CD160: variants seen among roughly 807,000 people sequenced by gnomAD.
CD160 encodes CD160 antigen.
A neutral mutation model predicts 19.2 loss-of-function variants in CD160; 11 were observed. The observed-to-expected ratio is 0.57, with a 90% CI of 0.36 to 0.95. CD160 has a LOEUF of 0.95. Ranked by LOEUF, CD160 falls within the 40% of genes least tolerant of loss-of-function variation. The probability of loss-of-function intolerance (pLI) is 0.01; values close to 1 mark genes in which losing one functional copy is unlikely to be tolerated. For synonymous variants in CD160, 75 were observed against 81.1 expected (o/e 0.93, Z 0.40); for missense variants, 182 against 213.2 (o/e 0.85, Z 0.91).
Position 145,730,800 on chromosome 1 carries a change from T to C in CD160, c.130T>C (p.Cys44Arg). 6.2e-7 allele frequency: 1 copy of C among 1,614,164 alleles called. No individual in the cohort carries two copies. The highest frequency in any genetic ancestry group is 8.5e-7 in the Non-Finnish European group (1 of 1,180,026). The change falls in exon 4 of 6, where the codon TGT becomes CGT. Residue 44 changes from cysteine (C) to arginine (R), a missense_variant. Physicochemically the swap from Cys to Arg is radical, Grantham distance 180. Coordinates refer to ENST00000369288, the MANE Select transcript of CD160 (RefSeq NM_007053.4). Reference sequence around the variant, plus strand: ...GGAAGGAACGCGACTAAACTTAATCTGTACTGTATGGCATAAGAAAGAAGA... The same window carrying C: ...GGAAGGAACGCGACTAAACTTAATCCGTACTGTATGGCATAAGAAAGAAGA... The part of the protein sequence containing the change: ...SQEGTRLNLI[C>R]TVWHKKEEAE...
chr1:145,719,692 C>T (rs1453749003), intron 1 of CD160, 133 bp downstream of exon 1: 1 of 152,296 alleles, frequency 6.6e-6, no homozygotes, highest in Non-Finnish European at 1.5e-5. Flanking sequence ...CCTCTGCCCT[C>T]TGGAGCCTGG....
chr1:145,727,887 G>C (rs1231717517), intron 2 of CD160, among the ~76,000 whole-genome samples: 1 of 152,046 alleles, frequency 6.6e-6, no homozygotes, highest in East Asian at 1.9e-4. Context: ...AGCTAGCAAG[G>C]GCACGAGGAA....
intron 4 of CD160, among the ~76,000 whole-genome samples, chr1:145,732,175 G>GA (rs781823273): frequency 3.0e-4 from 45 of 149,534 alleles, no homozygotes; most frequent in East Asian, 9.7e-4. Flanking sequence ...AATTCTGTGG[G>GA]AAAAAAAAAA....
Position 145,720,766 on chromosome 1 carries a change from C to G in CD160, c.-179+1207C>G, listed in dbSNP as rs142764678. Among the ~76,000 whole-genome samples the G allele has an allele frequency of 3.6e-4, 55 of 152,296 alleles. 1 individual carries two copies. The highest frequency in any genetic ancestry group is 1.5e-4 in the Non-Finnish European group (10 of 68,014). On this transcript the variant is annotated intron_variant, in intron 1 of 5. Coordinates refer to ENST00000369288, the MANE Select transcript of CD160 (RefSeq NM_007053.4). ...GTGTCATCTAACCGTCACCACATTCCTATGAGGTAGTTTTAAACACAAGAG... is the reference window on the plus strand; with the variant it reads ...GTGTCATCTAACCGTCACCACATTCGTATGAGGTAGTTTTAAACACAAGAG...
intron 5 of CD160, chr1:145,737,578 G>C (rs1355393608): frequency 6.6e-6 from 1 of 152,140 alleles, no homozygotes; most frequent in Non-Finnish European, 1.5e-5. Flanking sequence ...ACATGAATAT[G>C]AAACAGTCTG....
intron 4 of CD160, among the ~76,000 whole-genome samples, chr1:145,734,353 T>G (rs979791209): frequency 6.6e-6 from 1 of 152,202 alleles, no homozygotes; most frequent in Non-Finnish European, 1.5e-5. Context: ...CCATTCTACA[T>G]ACTACCACCA....
At chr1:145,728,033 T>C (rs587749520) in intron 2 of CD160, among the ~76,000 whole-genome samples, 37 of 152,214 alleles carry the variant, frequency 2.4e-4, no homozygotes, top group African/African-American at 7.9e-4. Flanking sequence ...TAAAAAAATA[T>C]ATATGAGAAA....
chr1:145,721,291 G>T (rs1571668938), intron 1 of CD160, among the ~76,000 whole-genome samples: 3 of 152,330 alleles, frequency 2.0e-5, no homozygotes, highest in African/African-American at 7.2e-5. Flanking sequence ...ACGCGGGGCA[G>T]GTAGGGGGTC....
intron 5 of CD160, 144 bp from the exon 6 acceptor site, chr1:145,738,342 T>C (rs781872107): frequency 1.5e-5 from 7 of 464,984 alleles, no homozygotes; most frequent in African/African-American, 1.4e-4. Flanking sequence ...ATACATAAAA[T>C]AGTTCCCACT....
At chr1:145,728,546 C>T (rs1415006458) in intron 3 of CD160, 146 bp downstream of exon 3, 1 of 550,260 alleles carries the variant, frequency 1.8e-6, no homozygotes, top group Non-Finnish European at 3.2e-6. Flanking sequence ...CTCTGTCACC[C>T]AGGCTGGAGT....
At position 145,730,861 on chromosome 1, in the gene CD160, G is replaced by T. The variant is rs782288332; in HGVS notation, c.191G>T (p.Arg64Met). Residue 64 changes from arginine (R) to methionine (M), a missense_variant, in exon 4 of 6, where the codon AGG becomes ATG. Coordinates refer to ENST00000369288, the MANE Select transcript of CD160 (RefSeq NM_007053.4). Reference protein sequence around the residue: ...EGFVVFLCKDRSGDCSPETSL... With the variant: ...EGFVVFLCKDMSGDCSPETSL... ...TTTGTAGTGTTTTTGTGCAAGGACA[G>T]GTCTGGAGACTGTTCTCCTGAGACC... The T allele has an allele frequency of 1.9e-6, 3 of 1,613,938 alleles. No individual in the cohort carries two copies. Among genetic ancestry groups the T allele is most frequent in the Non-Finnish European group, 2.5e-6 (3 of 1,179,984 alleles).
chr1:145,728,501 CTTTTTTTTTT>C, intron 3 of CD160, 101 bp downstream of exon 3: 6 of 292,992 alleles, frequency 2.0e-5, no homozygotes, highest in Non-Finnish European at 3.6e-5. Flanking sequence ...ACAAAGGACT[CTTTTTTTTTT>C]TTTTTTTTTT....
rs184939545 is a variant in CD160 at position 145,725,359 on chromosome 1, C to T, written c.-73+453C>T. ...ACTCGGCAGGCTGAGGCAGGAGAAT[C>T]GCTTGAACCCAGGAGGTGGAAGTTG... On this transcript the variant is annotated intron_variant, in intron 2 of 5. Transcript: ENST00000369288. Among the ~76,000 whole-genome samples the T allele has an allele frequency of 2.3e-3, 352 of 152,108 alleles. 1 individual carries two copies. Among genetic ancestry groups the T allele is most frequent in the African/African-American group, 8.1e-3 (336 of 41,526 alleles).
chr1:145,737,528 G>C (rs1657545348), intron 5 of CD160: 1 of 152,092 alleles, frequency 6.6e-6, no homozygotes, highest in African/African-American at 2.4e-5. Flanking sequence ...CCTTGGTAAG[G>C]ATCTTCCAAA....
intron 1 of CD160, among the ~76,000 whole-genome samples, chr1:145,721,026 GC>G (rs1415867960): frequency 6.6e-6 from 1 of 152,162 alleles, no homozygotes; most frequent in Non-Finnish European, 1.5e-5. Flanking sequence ...CCTCCCCCCT[GC>G]CCGCGCTGGG....
In CD160 at chr1:145,730,875, TCTC is replaced by T; in HGVS notation, c.208_210del (p.Pro70del). 3 of 1,613,950 alleles carry T rather than the reference TCTC, an allele frequency of 1.9e-6. No homozygotes were observed. On this transcript the variant is annotated inframe_deletion, in exon 4 of 6. Coordinates refer to ENST00000369288, the MANE Select transcript of CD160 (RefSeq NM_007053.4). Reference sequence around the variant, plus strand: ...GTGCAAGGACAGGTCTGGAGACTGTTCTCCTGAGACCAGTTTAAAACAGCTGAG... The same window carrying T: ...GTGCAAGGACAGGTCTGGAGACTGTTCTGAGACCAGTTTAAAACAGCTGAG...
At chr1:145,724,089 T>C (rs587624657) in intron 1 of CD160, among the ~76,000 whole-genome samples, 3 of 152,350 alleles carry the variant, frequency 2.0e-5, no homozygotes, top group Non-Finnish European at 4.4e-5. Flanking sequence ...ACATATTTCT[T>C]CTTACCCTTA....
chr1:145,720,535 G>A (rs1553707664), intron 1 of CD160, among the ~76,000 whole-genome samples: 1 of 152,188 alleles, frequency 6.6e-6, no homozygotes, highest in Non-Finnish European at 1.5e-5. Flanking sequence ...TGAAAAAGAA[G>A]CCCCTTCACA....
At chr1:145,737,147 A>C (rs1657529553) in intron 5 of CD160, 1 of 151,962 alleles carries the variant, frequency 6.6e-6, no homozygotes, top group Non-Finnish European at 1.5e-5. Context: ...TGTAGTCCCA[A>C]GCTAAGGCAT....
Sources: allele counts gnomAD v4.1 joint callset (sites outside exome capture counted in the v4.1 genomes callset), GRCh38; gene constraint gnomAD v4.1.1; transcripts MANE v1.5; gene names NCBI Gene and HGNC (gene_info 2026-07-23, HGNC 2026-07-21).